Variants in CACNA1B observed in about 807,000 individuals in gnomAD.
CACNA1B encodes the protein voltage-dependent N-type calcium channel subunit alpha-1B.
Under a neutral mutation model 247.2 loss-of-function variants are expected in CACNA1B, and 70 were observed. That is an observed-to-expected ratio of 0.28 (90% confidence interval 0.23 to 0.35). The LOEUF is 0.35. Ranked by LOEUF, CACNA1B falls within the 10% of genes least tolerant of loss-of-function variation. CACNA1B has a pLI of 1.00. For synonymous variants in CACNA1B, 1,231 were observed against 1,294.4 expected, an observed-to-expected ratio of 0.95 and a Z score of 1.05; for missense variants, 2,367 against 3,197.4, an observed-to-expected ratio of 0.74 and a Z score of 6.26.
intron 13 of CACNA1B, among the ~76,000 whole-genome samples, chr9:137,985,527 A>T (rs1316518544): frequency 2.6e-5 from 4 of 152,214 alleles, no homozygotes; most frequent in Admixed American, 2.6e-4. Context: ...AGAGTCTTCC[A>T]TCCCGTCTGC....
rs199622179 is a variant in CACNA1B, at chr9:138,120,705, C to T, written c.6313C>T (p.Arg2105Trp). The T allele has an allele frequency of 1.3e-5, 20 of 1,520,688 alleles. No individual in the cohort carries two copies. The highest frequency in any genetic ancestry group is 9.9e-5 in the Admixed American group (4 of 40,332). The allele number at this position is 1,520,688 out of a possible 1,614,324, so 94.2% of individuals were successfully genotyped here. The change falls in exon 46 of 47, where the codon CGG becomes TGG. Residue 2105 changes from arginine (R) to tryptophan (W), a missense_variant. Arg to Trp is a moderately radical substitution (Grantham distance 101, BLOSUM62 -3). Around this residue, in one of 12 missense-constraint regions of CACNA1B, gnomAD observed 773 missense variants for 779.4 expected, o/e 0.99. Transcript: ENST00000371372. ...PTGCRRERER[R>W]QERGRSQERR... ...AGGCTGCCGGCGGGAACGAGAGCGC[C>T]GGCAGGAGCGGGGCCGGTCCCAGGA...
intron 31 of CACNA1B, among the ~76,000 whole-genome samples, chr9:138,060,871 C>G (rs1959696401): frequency 6.6e-6 from 1 of 152,150 alleles, no homozygotes; most frequent in African/African-American, 2.4e-5. Flanking sequence ...ATCCCGTTCC[C>G]CCCACCCTTT....
At chr9:138,015,763 G>A (rs1028958579) in intron 18 of CACNA1B, among the ~76,000 whole-genome samples, 15 of 152,208 alleles carry the variant, frequency 9.9e-5, no homozygotes, top group Admixed American at 7.8e-4. Context: ...AGTGCTGTGC[G>A]TATCCTGGGC....
intron 15 of CACNA1B, among the ~76,000 whole-genome samples, chr9:137,992,185 G>A (rs551502290): frequency 5.3e-5 from 8 of 152,228 alleles, no homozygotes; most frequent in Non-Finnish European, 8.8e-5. Flanking sequence ...TGTTTCTGCT[G>A]TCTTCGGGAG....
intron 39 of CACNA1B, among the ~76,000 whole-genome samples, chr9:138,107,710 C>T (rs1179967481): frequency 6.6e-6 from 1 of 152,032 alleles, no homozygotes; most frequent in African/African-American, 2.4e-5. Flanking sequence ...AATGGCCGGG[C>T]GCAGTGGCTC....
At position 137,917,635 on chromosome 9, in the gene CACNA1B, C is replaced by G. The variant is rs1165869672; in HGVS notation, c.966+204C>G. On this transcript the variant is annotated intron_variant, in intron 6 of 46. Coordinates refer to ENST00000371372, the MANE Select transcript of CACNA1B (RefSeq NM_000718.4). The surrounding 1 kb of genome is among the most constrained non-coding windows in gnomAD (Gnocchi z 5.5). Reference sequence around the variant, plus strand: ...CCACCACAGGCAGCCTCAGCTCAGACTCCTGAGGTGGGTCCTCCTGGAGTT... The same window carrying G: ...CCACCACAGGCAGCCTCAGCTCAGAGTCCTGAGGTGGGTCCTCCTGGAGTT... Among the ~76,000 whole-genome samples the G allele has an allele frequency of 3.3e-5, 5 of 152,236 alleles. No homozygotes were observed. The highest frequency in any genetic ancestry group is 5.9e-5 in the Non-Finnish European group (4 of 68,038).
At chr9:138,103,584 T>C (rs560903043) in intron 38 of CACNA1B, among the ~76,000 whole-genome samples, 76 of 152,008 alleles carry the variant, frequency 5.0e-4, no homozygotes, top group Non-Finnish European at 7.4e-4. Flanking sequence ...CTAAAACTGT[T>C]CCATCTGCCC....
At chr9:138,106,348 T>C (rs1302393321) in intron 39 of CACNA1B, among the ~76,000 whole-genome samples, 1 of 147,780 alleles carries the variant, frequency 6.8e-6, no homozygotes, top group Non-Finnish European at 1.5e-5. Flanking sequence ...CTGCCCCATC[T>C]CCTGCTTTGT....
intron 40 of CACNA1B, among the ~76,000 whole-genome samples, chr9:138,113,078 T>TATG (rs1564292820): frequency 2.2e-4 from 24 of 108,954 alleles, no homozygotes; most frequent in East Asian, 6.1e-4. Context: ...AACTCCATCT[T>TATG]GGAGACGTGA....
intron 2 of CACNA1B, 57 bp downstream of exon 2, chr9:137,879,216 C>T: frequency 2.7e-6 from 3 of 1,113,840 alleles, no homozygotes; most frequent in South Asian, 1.3e-5. Context: ...ACTCCACTTT[C>T]CTTTATGGTC....
At position 138,102,693 on chromosome 9, in the gene CACNA1B, G is replaced by T. The variant is rs769647629; in HGVS notation, c.5223-18G>T. ...GACCACCCCACTGTGCCCTGGCCTC[G>T]CTGGGACGGGTTTCCAGTGGGCGCA... is the stretch of plus-strand genomic sequence containing the variant. On this transcript the variant is annotated intron_variant, in intron 37 of 46. Transcript: ENST00000371372. This position sits in a 1 kb window ranked among gnomAD's most constrained non-coding sequence, Gnocchi z 5.4. The T allele has an allele frequency of 3.2e-6, 5 of 1,566,688 alleles. No homozygotes were observed. The South Asian group carries it at 3.4e-5, about 11-fold the overall frequency.
At chr9:138,078,077 G>A (rs764248688) in intron 35 of CACNA1B, 37 bp from the exon 36 acceptor site, 2 of 1,604,066 alleles carry the variant, frequency 1.2e-6, no homozygotes, top group African/African-American at 1.3e-5. Flanking sequence ...TCCCTCAAGG[G>A]CCTCTGTGGG....
At chr9:137,984,328 C>T in intron 13 of CACNA1B, 78 bp downstream of exon 13, 1 of 1,004,708 alleles carries the variant, frequency 1.0e-6, no homozygotes, top group Non-Finnish European at 1.5e-6. Context: ...GGTGCTTGTC[C>T]CCAGGAGTTC....
At chr9:138,099,279 C>T (rs922176787) in intron 37 of CACNA1B, among the ~76,000 whole-genome samples, 15 of 152,244 alleles carry the variant, frequency 9.9e-5, no homozygotes, top group African/African-American at 2.9e-4. Flanking sequence ...CATGTGCATG[C>T]ACAAGGCGCG....
rs1402875758 is a variant in CACNA1B, at chr9:138,020,154, G to T, written c.2268-2857G>T. Among the ~76,000 whole-genome samples, 1 of 151,272 alleles carries T rather than the reference G, an allele frequency of 6.6e-6. No individual in the cohort carries two copies. The highest frequency in any genetic ancestry group is 2.4e-5 in the African/African-American group (1 of 40,968). The stretch of plus-strand genomic sequence containing the variant: ...CAGGTATCCATGGTGTCACACCAGG[G>T]CTGCTTCATATTGTCAGCAGTTCCG... On this transcript the variant is annotated intron_variant, in intron 18 of 46. Transcript: ENST00000371372. This position sits in a 1 kb window ranked among gnomAD's most constrained non-coding sequence, Gnocchi z 4.1.
intron 19 of CACNA1B, among the ~76,000 whole-genome samples, chr9:138,024,445 C>T (rs1958894694): frequency 6.6e-6 from 1 of 152,198 alleles, no homozygotes; most frequent in African/African-American, 2.4e-5. Context: ...TCAACCCAGC[C>T]GCCGCCCTGT....
At chr9:137,892,119 C>G (rs1446158069) in intron 3 of CACNA1B, 2 of 456,988 alleles carry the variant, frequency 4.4e-6, no homozygotes, top group Admixed American at 4.7e-5. Context: ...TCCCTGCTGG[C>G]TCACCACAAA....
At chr9:138,040,407 A>G (rs921241652) in intron 20 of CACNA1B, 1 of 154,280 alleles carries the variant, frequency 6.5e-6, no homozygotes, top group Non-Finnish European at 1.4e-5. Flanking sequence ...AATCCTTTGT[A>G]TTAGTCAGGG....
chr9:137,957,895 T>C lies in CACNA1B; in HGVS notation c.1333+208T>C, dbSNP rs1287066695. Reference sequence around the variant, plus strand: ...CATATCCCAAGGCTGGAGGACTCTATAGGGCCACCTCTCTCTTCAGCCCCT... The same window carrying C: ...CATATCCCAAGGCTGGAGGACTCTACAGGGCCACCTCTCTCTTCAGCCCCT... On this transcript the variant is annotated intron_variant, in intron 10 of 46. Coordinates refer to ENST00000371372, the MANE Select transcript of CACNA1B (RefSeq NM_000718.4). The surrounding 1 kb of genome is among the most constrained non-coding windows in gnomAD (Gnocchi z 4.7). Among the ~76,000 whole-genome samples the C allele has an allele frequency of 6.6e-6, 1 of 152,226 alleles. No individual in the cohort carries two copies. Among genetic ancestry groups the C allele is most frequent in the African/African-American group, 2.4e-5 (1 of 41,448 alleles).
Sources: allele counts gnomAD v4.1 joint callset (sites outside exome capture counted in the v4.1 genomes callset), GRCh38; gene constraint gnomAD v4.1.1; regional missense constraint gnomAD v4.1.1; non-coding constraint Gnocchi (gnomAD v3.1); transcripts MANE v1.5; gene names NCBI Gene and HGNC (gene_info 2026-07-23, HGNC 2026-07-21).